Variants in CPN1 observed in about 807,000 individuals in gnomAD.
CPN1 encodes the protein carboxypeptidase N catalytic chain.
CPN1 carries 37 observed loss-of-function variants against 46.4 expected under a neutral mutation model. That is an observed-to-expected ratio of 0.80 (90% CI 0.61 to 1.05). The LOEUF (loss-of-function observed/expected upper bound fraction) is 1.05. Ranked by LOEUF, CPN1 falls within the 50% of genes least tolerant of loss-of-function variation. The pLI is 0.00. For missense variants in CPN1, 563 were observed against 602.6 expected (o/e 0.93, Z 0.69); for synonymous variants, 224 against 235.4 (o/e 0.95, Z 0.44).
Position 100,054,245 on chromosome 10 carries a change from AC to A in CPN1, c.1111+101del, listed in dbSNP as rs1211056333. On this transcript the variant is annotated intron_variant, in intron 7 of 8. Transcript: ENST00000370418. ...CCCCCCCACTCCCAGCATCCTTGACACCCCTGCTGGTTTCACTAGCTTACAA... is the reference window on the plus strand; with the variant it reads ...CCCCCCCACTCCCAGCATCCTTGACACCCTGCTGGTTTCACTAGCTTACAA... 4 of 885,686 alleles carry A rather than the reference AC, an allele frequency of 4.5e-6. No homozygotes were observed. The East Asian group carries it at 9.7e-5, about 22-fold the overall frequency. 54.9% of individuals were successfully genotyped at this position (885,686 alleles called of 1,614,324 possible).
intron 2 of CPN1, among the ~76,000 whole-genome samples, chr10:100,073,940 C>T (rs922350727): frequency 2.0e-5 from 3 of 152,062 alleles, no homozygotes; most frequent in Non-Finnish European, 2.9e-5. Context: ...TTAAAGCCAG[C>T]CGTGTAACAT....
chr10:100,075,890 C>A (rs1411393196), intron 2 of CPN1, 21 bp downstream of exon 2: 1 of 1,613,156 alleles, frequency 6.2e-7, no homozygotes, highest in South Asian at 1.1e-5. Context: ...CTCTCCCCGG[C>A]ATCTCCCTTG....
At chr10:100,050,458 C>G (rs2041343807) in intron 7 of CPN1, among the ~76,000 whole-genome samples, 2 of 152,156 alleles carry the variant, frequency 1.3e-5, no homozygotes, top group Non-Finnish European at 2.9e-5. Flanking sequence ...CAAGCACAGA[C>G]TAGATCAGAA....
intron 5 of CPN1, among the ~76,000 whole-genome samples, chr10:100,059,892 G>A (rs182547122): frequency 6.6e-6 from 1 of 152,276 alleles, no homozygotes. Flanking sequence ...AACGTATAAT[G>A]GAATATTGTT....
At chr10:100,055,901 A>T (rs908449058) in intron 6 of CPN1, among the ~76,000 whole-genome samples, 23 of 152,232 alleles carry the variant, frequency 1.5e-4, no homozygotes, top group Non-Finnish European at 2.9e-4. Flanking sequence ...GTCATCCACC[A>T]ATGAACACTG....
At chr10:100,077,570 C>T (rs995760299) in intron 1 of CPN1, among the ~76,000 whole-genome samples, 4 of 152,022 alleles carry the variant, frequency 2.6e-5, no homozygotes, top group East Asian at 1.9e-4. Flanking sequence ...TTTCCTTTTC[C>T]GGACCTGGCC....
chr10:100,068,843 C>A (rs12776483), intron 3 of CPN1, among the ~76,000 whole-genome samples: 39,051 of 152,098 alleles, frequency 0.26, 6,229 homozygotes, highest in Non-Finnish European at 0.36. Flanking sequence ...CCAGCCTGAG[C>A]CTCTTTCTAT....
At position 100,054,434 on chromosome 10, in the gene CPN1, T is replaced by C. The variant is rs1286748641; in HGVS notation, c.1024A>G (p.Ile342Val). 1.3e-5 allele frequency: 21 copies of C among 1,613,810 alleles called. No homozygotes were observed. Among genetic ancestry groups the C allele is most frequent in the Non-Finnish European group, 1.6e-5 (19 of 1,179,794 alleles). ...TTCTCATCAAGCACCATTCCCTTGATGCCCTGGTGAACCTGCAGGAACAAG... is the reference window on the plus strand; with the variant it reads ...TTCTCATCAAGCACCATTCCCTTGACGCCCTGGTGAACCTGCAGGAACAAG... ...IQFLEQVHQG[I>V]KGMVLDENYN... Residue 342 changes from isoleucine to valine, a missense_variant, in exon 7 of 9, where the codon ATC becomes GTC. By Grantham distance (29) the Ile-to-Val change is conservative (BLOSUM62 3). Transcript: ENST00000370418.
intron 7 of CPN1, among the ~76,000 whole-genome samples, chr10:100,051,911 ATTG>A (rs1331817827): frequency 1.3e-5 from 2 of 149,548 alleles, no homozygotes; most frequent in African/African-American, 4.9e-5. Flanking sequence ...TTTTGTTTTT[ATTG>A]TTGTTTTGAA....
At chr10:100,064,678 G>A (rs933364028) in intron 4 of CPN1, among the ~76,000 whole-genome samples, 1 of 151,864 alleles carries the variant, frequency 6.6e-6, no homozygotes, top group African/African-American at 2.4e-5. Context: ...ACCGCACCAG[G>A]CCAATAATTA....
Position 100,042,590 on chromosome 10 carries a change from A to G in CPN1, c.1231-17T>C, listed in dbSNP as rs1450008605. ...GAAGTTAACCTGGAAGAAAAAAAGCAGGAGCTACGAGATCCGTTTGGACCA... is the reference window on the plus strand; with the variant it reads ...GAAGTTAACCTGGAAGAAAAAAAGCGGGAGCTACGAGATCCGTTTGGACCA... On this transcript the variant is annotated splice_polypyrimidine_tract_variant and intron_variant, in intron 8 of 8. Coordinates refer to ENST00000370418, the MANE Select transcript of CPN1 (RefSeq NM_001308.3). 1 of 1,613,746 alleles carries G rather than the reference A, an allele frequency of 6.2e-7. No homozygotes were observed. The highest frequency in any genetic ancestry group is 2.2e-5 in the East Asian group (1 of 44,856).
chr10:100,048,743 C>T lies in CPN1; in HGVS notation c.1230+15G>A. 6.4e-7 allele frequency: 1 copy of T among 1,564,366 alleles called. No homozygotes were observed. The highest frequency in any genetic ancestry group is 8.8e-7 in the Non-Finnish European group (1 of 1,135,582). ...GTGATCTCTACAGTGCACCGTCAAG[C>T]TCAGCCTAACTCACCAACGTTGGTT... On this transcript the variant is annotated intron_variant, in intron 8 of 8. Transcript: ENST00000370418.
At chr10:100,053,452 C>T (rs1191085314) in intron 7 of CPN1, among the ~76,000 whole-genome samples, 1 of 151,932 alleles carries the variant, frequency 6.6e-6, no homozygotes, top group Non-Finnish European at 1.5e-5. Context: ...GGTGAAACCC[C>T]ATCTCTACAA....
At chr10:100,060,337 G>A (rs2041409510) in intron 5 of CPN1, among the ~76,000 whole-genome samples, 2 of 152,086 alleles carry the variant, frequency 1.3e-5, no homozygotes, top group South Asian at 2.1e-4. Flanking sequence ...TGAGGCGGGC[G>A]GATCACTTGA....
chr10:100,045,396 G>T (rs1302124245), intron 8 of CPN1, among the ~76,000 whole-genome samples: 2 of 152,210 alleles, frequency 1.3e-5, no homozygotes, highest in Admixed American at 1.3e-4. Flanking sequence ...CTCATAGGCT[G>T]CAATGAAAGA....
intron 2 of CPN1, among the ~76,000 whole-genome samples, chr10:100,071,974 C>T (rs2041488402): frequency 1.3e-5 from 2 of 151,982 alleles, no homozygotes; most frequent in African/African-American, 2.4e-5. Flanking sequence ...CAGGTGAATG[C>T]GAATTTTGGC....
chr10:100,073,410 C>A (rs1451556244), intron 2 of CPN1, among the ~76,000 whole-genome samples: 1 of 152,176 alleles, frequency 6.6e-6, no homozygotes, highest in Non-Finnish European at 1.5e-5. Flanking sequence ...CTTCCCCTAA[C>A]AGAAGGTTTC....
rs768313764 is a variant in CPN1 at position 100,054,384 on chromosome 10, G to T, written c.1074C>A (p.Val358=). Residue 358 remains valine, a synonymous_variant, in exon 7 of 9, where the codon GTC becomes GTA. Coordinates refer to ENST00000370418, the MANE Select transcript of CPN1 (RefSeq NM_001308.3). ...DENYNNLANA[V]ISVSGINHDV... The stretch of plus-strand genomic sequence containing the variant: ...CATGGTTAATCCCACTGACAGAAAT[G>T]ACAGCATTGGCGAGATTATTGTAAT... The T allele has an allele frequency of 1.2e-6, 2 of 1,614,050 alleles. No individual in the cohort carries two copies. The highest frequency in any genetic ancestry group is 2.2e-5 in the East Asian group (1 of 44,878).
chr10:100,053,632 A>G (rs1417321098), intron 7 of CPN1, among the ~76,000 whole-genome samples: 4 of 152,022 alleles, frequency 2.6e-5, no homozygotes, highest in African/African-American at 9.7e-5. Context: ...AAAAAAAAAG[A>G]AAAAGAAAAA....
Sources: gnomAD v4.1 joint callset for allele counts (sites outside exome capture counted in the v4.1 genomes callset) on GRCh38, gnomAD v4.1.1 for gene constraint, MANE v1.5 for transcripts, NCBI Gene and HGNC (gene_info 2026-07-23, HGNC 2026-07-21) for gene names.